The following LRBA variants were observed in gnomAD, a reference collection of about 807,000 sequenced individuals.
LRBA encodes the protein lipopolysaccharide-responsive and beige-like anchor protein.
LRBA carries 176 observed loss-of-function variants against 330.0 expected under a neutral mutation model. The ratio of observed to expected loss-of-function variants is 0.53; its 90% CI spans 0.47 to 0.60. The LOEUF (loss-of-function observed/expected upper bound fraction) is 0.60. Ranked by LOEUF, LRBA falls within the 20% of genes least tolerant of loss-of-function variation. The pLI is 0.00. For missense variants in LRBA, 3,259 were observed against 3,444.8 expected (o/e 0.95, Z 1.35); for synonymous variants, 1,230 against 1,193.0 (o/e 1.03, Z -0.64).
At chr4:150,842,894 TGTAGGGGGTAAGAGGCGGGGTGGGG>T (rs1440868728) in intron 28 of LRBA, among the ~76,000 whole-genome samples, 7 of 151,786 alleles carry the variant, frequency 4.6e-5, no homozygotes, top group African/African-American at 1.7e-4. Context: ...TCAATGGACC[TGTAGGGGGTAAGAGGCGGGGTGGGG>T]GTAGGGGGCA....
intron 47 of LRBA, among the ~76,000 whole-genome samples, chr4:150,378,269 T>G (rs886913536): frequency 6.6e-6 from 1 of 152,054 alleles, no homozygotes; most frequent in Non-Finnish European, 1.5e-5. Context: ...ATGTTAAGAA[T>G]TTTTTTTCTC....
intron 2 of LRBA, among the ~76,000 whole-genome samples, chr4:150,944,967 C>T (rs1214818005): frequency 6.6e-6 from 1 of 152,192 alleles, no homozygotes; most frequent in African/African-American, 2.4e-5. Context: ...ATAAGACGTG[C>T]CTTTGTTCCT....
At chr4:150,501,426 C>T (rs994040002) in intron 40 of LRBA, among the ~76,000 whole-genome samples, 5 of 152,068 alleles carry the variant, frequency 3.3e-5, no homozygotes, top group African/African-American at 1.2e-4. Context: ...AGCTGGGCAA[C>T]ACAGCAAAAC....
intron 29 of LRBA, among the ~76,000 whole-genome samples, chr4:150,831,108 G>C (rs1747117581): frequency 6.6e-6 from 1 of 151,600 alleles, no homozygotes; most frequent in South Asian, 2.1e-4. Context: ...CTGTACTCAA[G>C]ACCCTCCAAT....
At chr4:150,588,417 G>T (rs984329594) in intron 39 of LRBA, among the ~76,000 whole-genome samples, 2 of 152,130 alleles carry the variant, frequency 1.3e-5, no homozygotes, top group African/African-American at 4.8e-5. Context: ...AGTAAACTAG[G>T]ATGCAATTAT....
chr4:150,617,959 C>T (rs1459511962), intron 37 of LRBA, among the ~76,000 whole-genome samples: 1 of 151,954 alleles, frequency 6.6e-6, no homozygotes, highest in East Asian at 1.9e-4. Flanking sequence ...ATACAAAAAG[C>T]TGAGTGAGAT....
intron 37 of LRBA, among the ~76,000 whole-genome samples, chr4:150,671,041 T>TGTGA (rs779665914): frequency 1.4e-3 from 207 of 142,814 alleles, no homozygotes; most frequent in Admixed American, 3.5e-3. Context: ...TGTGTGTGTG[T>TGTGA]GAGAGAGAGA....
chr4:150,410,618 T>C (rs954680773), intron 47 of LRBA, among the ~76,000 whole-genome samples: 5 of 152,140 alleles, frequency 3.3e-5, no homozygotes, highest in African/African-American at 1.2e-4. Flanking sequence ...CTCCAGGCCT[T>C]GAGAAGCTTT....
At chr4:150,996,203 C>T (rs112294497) in intron 2 of LRBA, among the ~76,000 whole-genome samples, 2 of 152,224 alleles carry the variant, frequency 1.3e-5, no homozygotes, top group African/African-American at 4.8e-5. Context: ...CGTTTACATC[C>T]TATGACAATG....
chr4:150,822,938 C>T (rs772664799), intron 30 of LRBA, among the ~76,000 whole-genome samples: 3 of 152,018 alleles, frequency 2.0e-5, no homozygotes, highest in Non-Finnish European at 4.4e-5. Flanking sequence ...ACAGCTTAAA[C>T]CGGTAAGCAC....
intron 22 of LRBA, among the ~76,000 whole-genome samples, chr4:150,853,466 A>C (rs895195364): frequency 6.6e-6 from 1 of 152,200 alleles, no homozygotes; most frequent in African/African-American, 2.4e-5. Flanking sequence ...TCTTTTAGCA[A>C]TGGGAGAAAA....
At chr4:150,356,465 T>C (rs1737860083) in intron 47 of LRBA, among the ~76,000 whole-genome samples, 1 of 152,036 alleles carries the variant, frequency 6.6e-6, no homozygotes, top group African/African-American at 2.4e-5. Flanking sequence ...CTTTAGCAAA[T>C]TTCAATTTTA....
At chr4:150,746,662 C>A (rs1301138079) in intron 35 of LRBA, among the ~76,000 whole-genome samples, 1 of 152,010 alleles carries the variant, frequency 6.6e-6, no homozygotes, top group Admixed American at 6.6e-5. Context: ...CAGAGCCCAC[C>A]ACCATGCCCG....
intron 37 of LRBA, among the ~76,000 whole-genome samples, chr4:150,657,251 G>A (rs1780286948): frequency 1.3e-5 from 2 of 151,960 alleles, no homozygotes; most frequent in African/African-American, 2.4e-5. Flanking sequence ...CGCTTAAAGT[G>A]TATTTTTTAA....
At chr4:150,674,598 G>C (rs1782365485) in intron 37 of LRBA, among the ~76,000 whole-genome samples, 1 of 152,184 alleles carries the variant, frequency 6.6e-6, no homozygotes. Context: ...TAATACTGTT[G>C]GGTGAAGTGG....
At chr4:150,428,598 C>A (rs1019924702) in intron 46 of LRBA, among the ~76,000 whole-genome samples, 8 of 152,100 alleles carry the variant, frequency 5.3e-5, no homozygotes, top group African/African-American at 1.9e-4. Flanking sequence ...CTTTCACTAA[C>A]TCTTAGAAAA....
intron 35 of LRBA, among the ~76,000 whole-genome samples, chr4:150,741,343 G>A (rs1167580104): frequency 6.6e-6 from 1 of 152,018 alleles, no homozygotes; most frequent in African/African-American, 2.4e-5. Context: ...TTTTTAAAAT[G>A]GGAAAAGTAC....
intron 4 of LRBA, among the ~76,000 whole-genome samples, chr4:150,921,695 T>C (rs1733295713): frequency 6.6e-6 from 1 of 152,064 alleles, no homozygotes; most frequent in African/African-American, 2.4e-5. Context: ...GCTGAGTAGC[T>C]GGGATTACAG....
intron 36 of LRBA, among the ~76,000 whole-genome samples, chr4:150,710,841 T>C (rs1331617108): frequency 6.6e-6 from 1 of 151,936 alleles, no homozygotes; most frequent in African/African-American, 2.4e-5. Context: ...GGCCCTTGTT[T>C]ATTAGAACTA....
Sources: gnomAD v4.1 joint callset for allele counts (sites outside exome capture counted in the v4.1 genomes callset) on GRCh38, gnomAD v4.1.1 for gene constraint, MANE v1.5 for transcripts, NCBI Gene and HGNC (gene_info 2026-07-23, HGNC 2026-07-21) for gene names.